The following HTR1F variants were observed in gnomAD, a reference collection of about 807,000 sequenced individuals.
HTR1F encodes 5-hydroxytryptamine (serotonin) receptor 1F, G protein-coupled.
In HTR1F, 17 loss-of-function variants were observed where a neutral mutation model predicts 24.0. The ratio of observed to expected loss-of-function variants is 0.71; its 90% CI spans 0.48 to 1.06. HTR1F has a LOEUF of 1.06. Among genes scored for constraint, HTR1F ranks in the 50% least tolerant of loss-of-function variants. The pLI is 0.00. For missense variants in HTR1F, 391 were observed against 427.8 expected, an observed-to-expected ratio of 0.91 and a Z score of 0.76; for synonymous variants, 186 against 156.8, an observed-to-expected ratio of 1.19 and a Z score of -1.39.
chr3:87,850,090 C>T (rs1336221332), intron 2 of HTR1F, among the ~76,000 whole-genome samples: 1 of 151,972 alleles, frequency 6.6e-6, no homozygotes, highest in African/African-American at 2.4e-5. Context: ...CCGTTTGACC[C>T]AGCCATCCCA....
At chr3:87,951,183 T>C (rs1426641424) in intron 2 of HTR1F, among the ~76,000 whole-genome samples, 1 of 152,154 alleles carries the variant, frequency 6.6e-6, no homozygotes, top group Non-Finnish European at 1.5e-5. Context: ...ATGATCTCTG[T>C]GATTTCAGAC....
At chr3:87,838,511 T>C (rs1231255871) in intron 2 of HTR1F, among the ~76,000 whole-genome samples, 1 of 152,170 alleles carries the variant, frequency 6.6e-6, no homozygotes, top group Non-Finnish European at 1.5e-5. Context: ...TTTTGAGGTT[T>C]TTTTTATATT....
chr3:87,907,517 A>G (rs1402440338), intron 2 of HTR1F, among the ~76,000 whole-genome samples: 1 of 152,058 alleles, frequency 6.6e-6, no homozygotes, highest in Non-Finnish European at 1.5e-5. Context: ...CATTTTGTCT[A>G]AAACAAAATT....
In HTR1F at chr3:87,977,054, C is replaced by T. The variant is rs147723419; in HGVS notation, c.-42-13654C>T. ...TACATAATAGGAGAATATACCATTCCTCATGTATGGTAATTGTACATTATT... is the reference window on the plus strand; with the variant it reads ...TACATAATAGGAGAATATACCATTCTTCATGTATGGTAATTGTACATTATT... On this transcript the variant is annotated intron_variant, in intron 2 of 2. Transcript: ENST00000319595. 2.6e-5 allele frequency among the ~76,000 whole-genome samples: 4 copies of T among 152,248 alleles called. No individual in the cohort carries two copies. In the East Asian group the frequency reaches 5.8e-4, roughly 22 times the overall value.
intron 2 of HTR1F, among the ~76,000 whole-genome samples, chr3:87,907,820 T>C (rs180688972): frequency 6.6e-6 from 1 of 152,080 alleles, no homozygotes; most frequent in Admixed American, 6.6e-5. Context: ...CTTCTCAAGA[T>C]GAAAGCAATG....
chr3:87,977,390 A>T, intron 2 of HTR1F, among the ~76,000 whole-genome samples: 1 of 135,920 alleles, frequency 7.4e-6, no homozygotes, highest in Non-Finnish European at 1.6e-5. Flanking sequence ...AATGAAGCTG[A>T]GACTTTTTTT....
At chr3:87,985,163 C>T (rs1347343317) in intron 2 of HTR1F, among the ~76,000 whole-genome samples, 1 of 151,984 alleles carries the variant, frequency 6.6e-6, no homozygotes, top group South Asian at 2.1e-4. Flanking sequence ...TGGAGAAACC[C>T]CCTCTCTACT....
intron 2 of HTR1F, among the ~76,000 whole-genome samples, chr3:87,901,862 C>T (rs2107326741): frequency 6.6e-6 from 1 of 152,100 alleles, no homozygotes; most frequent in Non-Finnish European, 1.5e-5. Flanking sequence ...TCAAAAATAT[C>T]CAATGCTTAG....
At chr3:87,954,171 A>G (rs1271909236) in intron 2 of HTR1F, among the ~76,000 whole-genome samples, 1 of 151,818 alleles carries the variant, frequency 6.6e-6, no homozygotes, top group African/African-American at 2.4e-5. Context: ...AATATATTGT[A>G]TATTTCAAAA....
chr3:87,844,250 G>A (rs1279383471), intron 2 of HTR1F, among the ~76,000 whole-genome samples: 1 of 151,672 alleles, frequency 6.6e-6, no homozygotes, highest in Non-Finnish European at 1.5e-5. Context: ...TCTCATTGTG[G>A]TTTTGATTTG....
intron 2 of HTR1F, among the ~76,000 whole-genome samples, chr3:87,925,625 T>C (rs1704107345): frequency 6.6e-6 from 1 of 152,186 alleles, no homozygotes; most frequent in South Asian, 2.1e-4. Flanking sequence ...CATGCCATAG[T>C]AGTTTGCATC....
At chr3:87,867,550 G>A (rs1351319965) in intron 2 of HTR1F, among the ~76,000 whole-genome samples, 2 of 148,862 alleles carry the variant, frequency 1.3e-5, no homozygotes, top group Admixed American at 6.7e-5. Context: ...CCAGGAAAAT[G>A]AGTTATATAT....
At chr3:87,968,800 C>A (rs1373673110) in intron 2 of HTR1F, among the ~76,000 whole-genome samples, 1 of 152,166 alleles carries the variant, frequency 6.6e-6, no homozygotes. Flanking sequence ...ATATAAGAGA[C>A]CTTTGTGGAA....
chr3:87,896,105 A>T (rs1290024995), intron 2 of HTR1F, among the ~76,000 whole-genome samples: 1 of 152,208 alleles, frequency 6.6e-6, no homozygotes, highest in Non-Finnish European at 1.5e-5. Context: ...GCTAGGGACA[A>T]CAGATGGCCT....
At chr3:87,883,267 T>C (rs778187699) in intron 2 of HTR1F, among the ~76,000 whole-genome samples, 6 of 152,150 alleles carry the variant, frequency 3.9e-5, no homozygotes, top group Non-Finnish European at 5.9e-5. Context: ...CAGAAAGGAA[T>C]AGCATCAACA....
At chr3:87,893,455 C>T (rs187159945) in intron 2 of HTR1F, among the ~76,000 whole-genome samples, 21 of 152,254 alleles carry the variant, frequency 1.4e-4, no homozygotes, top group Admixed American at 6.5e-4. Flanking sequence ...TTAGATTCCA[C>T]AATTTTGCAG....
intron 2 of HTR1F, among the ~76,000 whole-genome samples, chr3:87,923,590 C>A (rs924625211): frequency 7.9e-5 from 12 of 151,652 alleles, no homozygotes; most frequent in African/African-American, 2.2e-4. Flanking sequence ...TTGTACCCTG[C>A]AATGTTACTG....
At chr3:87,912,375 A>T (rs1703796974) in intron 2 of HTR1F, among the ~76,000 whole-genome samples, 1 of 152,086 alleles carries the variant, frequency 6.6e-6, no homozygotes, top group Admixed American at 6.6e-5. Flanking sequence ...GAGGTGAAAG[A>T]TTTCTACAAG....
intron 2 of HTR1F, among the ~76,000 whole-genome samples, chr3:87,980,305 G>T (rs1157208696): frequency 1.3e-5 from 2 of 152,134 alleles, no homozygotes; most frequent in Non-Finnish European, 2.9e-5. Flanking sequence ...GACCTGGAGT[G>T]GGTAGCTTCT....
Sources: allele counts gnomAD v4.1 joint callset (sites outside exome capture counted in the v4.1 genomes callset), GRCh38; gene constraint gnomAD v4.1.1; transcripts MANE v1.5; gene names NCBI Gene and HGNC (gene_info 2026-07-23, HGNC 2026-07-21).